The following CNTNAP2 variants were observed in gnomAD, a reference collection of about 807,000 sequenced individuals.
CNTNAP2 encodes contactin-associated protein-like 2.
In CNTNAP2, 98 loss-of-function variants were observed where a neutral mutation model predicts 155.2. The ratio of observed to expected loss-of-function variants is 0.63; its 90% CI spans 0.54 to 0.75. The LOEUF is 0.75. Among genes scored for constraint, CNTNAP2 ranks in the 30% least tolerant of loss-of-function variants. The pLI is 0.00. For synonymous variants in CNTNAP2, 651 were observed against 631.2 expected (o/e 1.03, Z -0.47); for missense variants, 1,727 against 1,688.1 (o/e 1.02, Z -0.40).
intron 14 of CNTNAP2, among the ~76,000 whole-genome samples, chr7:147,958,423 T>G (rs115848196): frequency 0.022 from 3,387 of 152,276 alleles, 117 homozygotes; most frequent in African/African-American, 0.077. Context: ...AATCTGAGAT[T>G]TGGGTAATCT....
At chr7:146,373,011 T>C (rs1469291076) in intron 1 of CNTNAP2, among the ~76,000 whole-genome samples, 1 of 152,040 alleles carries the variant, frequency 6.6e-6, no homozygotes, top group Non-Finnish European at 1.5e-5. Context: ...CATGTGATAA[T>C]AAGAAGGGTG....
chr7:146,160,069 G>A (rs1562971702), intron 1 of CNTNAP2, among the ~76,000 whole-genome samples: 1 of 152,148 alleles, frequency 6.6e-6, no homozygotes, highest in Non-Finnish European at 1.5e-5. Flanking sequence ...CGTGGAGACT[G>A]AACAACCTGC....
At chr7:146,299,759 C>T (rs1800575445) in intron 1 of CNTNAP2, among the ~76,000 whole-genome samples, 1 of 151,892 alleles carries the variant, frequency 6.6e-6, no homozygotes, top group Admixed American at 6.6e-5. Context: ...TTATGTGAAA[C>T]CTTCAGGAAT....
intron 3 of CNTNAP2, among the ~76,000 whole-genome samples, chr7:146,872,389 G>A (rs544189864): frequency 3.3e-5 from 5 of 152,210 alleles, no homozygotes; most frequent in South Asian, 2.1e-4. Context: ...GTACTTTAAC[G>A]TAAACCAATG....
intron 13 of CNTNAP2, among the ~76,000 whole-genome samples, chr7:147,695,277 A>G (rs74515799): frequency 6.6e-6 from 1 of 152,242 alleles, no homozygotes; most frequent in African/African-American, 2.4e-5. Context: ...CTTGTTGAAT[A>G]TTTTATGTGA....
At chr7:146,325,101 G>GT (rs1266602628) in intron 1 of CNTNAP2, among the ~76,000 whole-genome samples, 4 of 150,346 alleles carry the variant, frequency 2.7e-5, no homozygotes, top group African/African-American at 5.0e-5. Context: ...CCAATTTTTT[G>GT]TTTTTTTTCT....
At chr7:148,393,314 T>C (rs1474296896) in intron 22 of CNTNAP2, among the ~76,000 whole-genome samples, 1 of 152,200 alleles carries the variant, frequency 6.6e-6, no homozygotes, top group Non-Finnish European at 1.5e-5. Flanking sequence ...GTCTTTTTAT[T>C]ATGTTATTTG....
intron 8 of CNTNAP2, among the ~76,000 whole-genome samples, chr7:147,182,417 A>G (rs1445968334): frequency 6.6e-6 from 1 of 152,256 alleles, no homozygotes; most frequent in Admixed American, 6.5e-5. Flanking sequence ...AAAATAAGAT[A>G]TAGTCATGTA....
At chr7:146,975,183 G>A (rs1351781846) in intron 3 of CNTNAP2, among the ~76,000 whole-genome samples, 10 of 152,110 alleles carry the variant, frequency 6.6e-5, no homozygotes, top group Admixed American at 5.2e-4. Flanking sequence ...AGTAGCTCAC[G>A]GCTGGGCGCG....
chr7:146,436,381 ATG>A (rs912012496), intron 1 of CNTNAP2, among the ~76,000 whole-genome samples: 1 of 152,230 alleles, frequency 6.6e-6, no homozygotes, highest in Non-Finnish European at 1.5e-5. Context: ...GATAATAAAA[ATG>A]TGGATTCATA....
intron 3 of CNTNAP2, among the ~76,000 whole-genome samples, chr7:146,916,361 C>T (rs1169704252): frequency 6.6e-6 from 1 of 151,764 alleles, no homozygotes; most frequent in Non-Finnish European, 1.5e-5. Context: ...TTCCCTCTTT[C>T]TCTTTCTCTT....
At chr7:146,978,090 G>A (rs1797947463) in intron 3 of CNTNAP2, among the ~76,000 whole-genome samples, 1 of 152,178 alleles carries the variant, frequency 6.6e-6, no homozygotes, top group Admixed American at 6.5e-5. Flanking sequence ...GCTATTAGCT[G>A]TGGATAGGAG....
chr7:146,802,676 G>T (rs1177152232), intron 2 of CNTNAP2, among the ~76,000 whole-genome samples: 1 of 152,134 alleles, frequency 6.6e-6, no homozygotes, highest in African/African-American at 2.4e-5. Context: ...TAAGTTTCCT[G>T]AGGCCTCCCA....
intron 12 of CNTNAP2, among the ~76,000 whole-genome samples, chr7:147,606,584 T>C (rs1801067511): frequency 1.3e-5 from 2 of 152,184 alleles, no homozygotes; most frequent in African/African-American, 4.8e-5. Flanking sequence ...TATTGACCAC[T>C]AGAGTACCAA....
intron 4 of CNTNAP2, chr7:147,081,232 G>A (rs896778069): frequency 6.6e-6 from 1 of 151,958 alleles, no homozygotes; most frequent in African/African-American, 2.4e-5. Context: ...ATACACCAAC[G>A]AGTGGACAGT....
At chr7:146,952,598 A>T (rs369572792) in intron 3 of CNTNAP2, among the ~76,000 whole-genome samples, 1 of 152,194 alleles carries the variant, frequency 6.6e-6, no homozygotes, top group Non-Finnish European at 1.5e-5. Flanking sequence ...TATAAAATCA[A>T]TGTGCAAAAA....
chr7:146,951,934 G>A (rs1797322192), intron 3 of CNTNAP2, among the ~76,000 whole-genome samples: 1 of 151,944 alleles, frequency 6.6e-6, no homozygotes, highest in Non-Finnish European at 1.5e-5. Flanking sequence ...AGCATGGAAT[G>A]TTTTTACATC....
Position 147,784,381 on chromosome 7 carries a change from C to CATATATATATATATAT in CNTNAP2, c.2099-119173_2099-119158dup, listed in dbSNP as rs60221349. On this transcript the variant is annotated intron_variant, in intron 13 of 23. Coordinates refer to ENST00000361727, the MANE Select transcript of CNTNAP2 (RefSeq NM_014141.6). ...TTCATAGCCCTCTACAAACTAAAAA[C>CATATATATATATATAT]ATATATATATATATATATATATATA... Among the ~76,000 whole-genome samples, 411 of 99,244 alleles carry CATATATATATATATAT rather than the reference C, an allele frequency of 4.1e-3. 8 individuals are homozygous for CATATATATATATATAT. The highest frequency in any genetic ancestry group is 0.014 in the Middle Eastern group (2 of 140). The allele number at this position is 99,244 out of a possible 152,430, so 65.1% of individuals were successfully genotyped here.
intron 4 of CNTNAP2, among the ~76,000 whole-genome samples, chr7:147,057,256 A>T (rs1799579763): frequency 6.6e-6 from 1 of 152,268 alleles, no homozygotes; most frequent in African/African-American, 2.4e-5. Context: ...CCCAGCCTGG[A>T]CTTGCCCACA....
Sources: allele counts gnomAD v4.1 joint callset (sites outside exome capture counted in the v4.1 genomes callset), GRCh38; gene constraint gnomAD v4.1.1; transcripts MANE v1.5; gene names NCBI Gene and HGNC (gene_info 2026-07-23, HGNC 2026-07-21).